The following CPT1A variants were observed in gnomAD, a reference collection of about 807,000 sequenced individuals.
CPT1A encodes the protein carnitine O-palmitoyltransferase 1, liver isoform.
A neutral mutation model predicts 100.8 loss-of-function variants in CPT1A; 64 were observed. The observed-to-expected ratio is 0.63, with a 90% CI of 0.52 to 0.78. The LOEUF (loss-of-function observed/expected upper bound fraction) is 0.78. Ranked by LOEUF, CPT1A falls within the 30% of genes least tolerant of loss-of-function variation. The pLI, the probability that CPT1A is intolerant of heterozygous loss-of-function variation, is 0.00. For synonymous variants in CPT1A, 363 were observed against 396.0 expected (o/e 0.92, Z 0.99); for missense variants, 802 against 1,034.1 (o/e 0.78, Z 3.08).
At chr11:68,809,723 G>T (rs557097399) in intron 3 of CPT1A, among the ~76,000 whole-genome samples, 2 of 152,164 alleles carry the variant, frequency 1.3e-5, no homozygotes, top group South Asian at 4.1e-4. Context: ...CCCTTAACCC[G>T]GCCTTTCTAA....
At chr11:68,782,031 C>T in intron 10 of CPT1A, 72 bp from the exon 11 acceptor site, 1 of 1,374,260 alleles carries the variant, frequency 7.3e-7, no homozygotes, top group Non-Finnish European at 1.0e-6. Context: ...TGAAATGACA[C>T]AATCAAACCT....
At position 68,773,351 on chromosome 11, in the gene CPT1A, C is replaced by T. The variant is rs764692013; in HGVS notation, c.1654G>A (p.Val552Ile). 11 of 1,614,008 alleles carry T rather than the reference C, an allele frequency of 6.8e-6. No homozygotes were observed. In the Admixed American group the frequency reaches 8.3e-5, roughly 12 times the overall value. ...TTGATGATTCCTTTACCAAAGGCTA[C>T]GAATGGGAAGGAATGGAAATCCACG... ...NDVDFHSFPF[V>I]AFGKGIIKKC... Residue 552 changes from valine (V) to isoleucine (I), a missense_variant, in exon 14 of 19, where the codon GTA (valine) becomes ATA (isoleucine). Val to Ile is a conservative substitution (Grantham distance 29). This residue lies in a region of CPT1A where 627 missense variants were observed against 799.3 expected (regional missense o/e 0.78). Coordinates refer to ENST00000265641, the MANE Select transcript of CPT1A (RefSeq NM_001876.4).
chr11:68,817,729 T>TG (rs554395813), intron 1 of CPT1A, among the ~76,000 whole-genome samples: 1,926 of 12,768 alleles, frequency 0.15, 38 homozygotes, highest in Non-Finnish European at 0.19. Context: ...GCAGGGTGGC[T>TG]GGGGGTCAAG....
chr11:68,761,793 T>A, intron 15 of CPT1A, 106 bp from the exon 16 acceptor site: 1 of 1,358,424 alleles, frequency 7.4e-7, no homozygotes, highest in Non-Finnish European at 1.0e-6. Context: ...TTATTTTTAG[T>A]AGAGACGGGG....
At chr11:68,774,240 CA>C (rs1855081117) in intron 13 of CPT1A, among the ~76,000 whole-genome samples, 1 of 152,128 alleles carries the variant, frequency 6.6e-6, no homozygotes, top group South Asian at 2.1e-4. Context: ...GCCCCACAGT[CA>C]AATTCGTTCT....
At chr11:68,795,035 G>A in intron 7 of CPT1A, 124 bp from the exon 8 acceptor site, 1 of 755,334 alleles carries the variant, frequency 1.3e-6, no homozygotes, top group Non-Finnish European at 2.4e-6. Context: ...TACATATTCG[G>A]TTACATCTGC....
chr11:68,773,764 C>A, intron 13 of CPT1A: 1 of 333,268 alleles, frequency 3.0e-6, no homozygotes, highest in Non-Finnish European at 5.8e-6. Flanking sequence ...ACAGCCGGTG[C>A]CAGGGAAAGG....
At chr11:68,831,142 C>T (rs1856865429) in intron 1 of CPT1A, among the ~76,000 whole-genome samples, 2 of 152,172 alleles carry the variant, frequency 1.3e-5, no homozygotes, top group African/African-American at 2.4e-5. Flanking sequence ...TCCCTTTCTC[C>T]ATAATCAATT....
At chr11:68,815,122 A>ATG (rs1028569380) in intron 2 of CPT1A, among the ~76,000 whole-genome samples, 4 of 152,144 alleles carry the variant, frequency 2.6e-5, no homozygotes, top group African/African-American at 7.2e-5. Context: ...GCTTTAACGC[A>ATG]TGCCAAGTCC....
At chr11:68,814,093 CG>C (rs893016440) in intron 2 of CPT1A, among the ~76,000 whole-genome samples, 151 of 150,708 alleles carry the variant, frequency 1.0e-3, no homozygotes, top group Non-Finnish European at 2.0e-3. Flanking sequence ...GGGGGGTCAG[CG>C]GGGGGGGATT....
chr11:68,762,521 G>A (rs1854656537), intron 15 of CPT1A, 106 bp downstream of exon 15: 1 of 1,420,630 alleles, frequency 7.0e-7, no homozygotes, highest in Non-Finnish European at 9.8e-7. Flanking sequence ...CCCTAAAGAA[G>A]AAGGTACAGG....
intron 4 of CPT1A, among the ~76,000 whole-genome samples, chr11:68,804,579 C>A (rs1215937026): frequency 1.3e-5 from 2 of 152,114 alleles, no homozygotes; most frequent in Admixed American, 6.6e-5. Flanking sequence ...CATAGTGAGA[C>A]CCTATGTCAA....
rs80356782 is a variant in CPT1A, at chr11:68,804,077, G to A, written c.478C>T (p.Arg160Ter). Residue 160 changes from arginine (R) to a stop codon, truncating the protein, a stop_gained, in exon 5 of 19, where the codon CGA becomes TGA. Transcript: ENST00000265641. LOFTEE classifies it high-confidence loss of function. ...TGGAAGCTGTACAACATGGGTTTTC[G>A]GCCTGAAAAGATCTTGACCATACCC... is the stretch of plus-strand genomic sequence containing the variant. ...WMGMVKIFSGRKPMLYSFQTS... is the reference protein window; with the variant it reads ...WMGMVKIFSG The A allele has an allele frequency of 1.9e-6, 3 of 1,613,924 alleles. No individual in the cohort carries two copies. Among genetic ancestry groups the A allele is most frequent in the East Asian group, 2.2e-5 (1 of 44,882 alleles).
At chr11:68,826,668 C>G (rs11228369) in intron 1 of CPT1A, among the ~76,000 whole-genome samples, 67,244 of 149,940 alleles carry the variant, frequency 0.45, 17,648 homozygotes, top group Admixed American at 0.61. Flanking sequence ...AACCCGGGAG[C>G]CGGAGCTTGC....
intron 12 of CPT1A, among the ~76,000 whole-genome samples, chr11:68,778,855 G>A (rs567391915): frequency 9.3e-5 from 14 of 151,124 alleles, no homozygotes; most frequent in Admixed American, 5.3e-4. Flanking sequence ...GCGTGATCTC[G>A]GCTCACTGCA....
At chr11:68,819,705 G>C (rs975028071) in intron 1 of CPT1A, among the ~76,000 whole-genome samples, 4 of 152,230 alleles carry the variant, frequency 2.6e-5, no homozygotes, top group African/African-American at 9.6e-5. Context: ...CTCGCAGAGC[G>C]ATCTGAGTTT....
intron 12 of CPT1A, among the ~76,000 whole-genome samples, chr11:68,779,677 T>C (rs1003522811): frequency 7.9e-5 from 12 of 151,250 alleles, no homozygotes; most frequent in African/African-American, 2.9e-4. Flanking sequence ...ACACCTGTAG[T>C]CCCAGCTACT....
chr11:68,807,354 C>T, intron 4 of CPT1A, 113 bp downstream of exon 4: 1 of 1,128,644 alleles, frequency 8.9e-7, no homozygotes, highest in Non-Finnish European at 1.3e-6. Flanking sequence ...GCCCAAGTCA[C>T]CAACCAAGCA....
At position 68,761,617 on chromosome 11, in the gene CPT1A, G is replaced by A. The variant is rs1369067061; in HGVS notation, c.1946C>T (p.Thr649Ile). The A allele has an allele frequency of 9.9e-6, 16 of 1,614,104 alleles. No homozygotes were observed. The highest frequency in any genetic ancestry group is 1.2e-5 in the Non-Finnish European group (14 of 1,180,024). ...GAGGTGACGATCGATCCCAGAGCCG[G>A]TCATGGCGAGGCGATACATATGCTG... ...KHQHMYRLAM[T>I]GSGIDRHLFC... Residue 649 changes from threonine (T) to isoleucine (I), a missense_variant, in exon 16 of 19, where the codon ACC (threonine) becomes ATC (isoleucine). Physicochemically the swap from Thr to Ile is moderately conservative, Grantham distance 89 (BLOSUM62 -1). Transcript: ENST00000265641.
Sources: allele counts gnomAD v4.1 joint callset (sites outside exome capture counted in the v4.1 genomes callset), GRCh38; gene constraint gnomAD v4.1.1; regional missense constraint gnomAD v4.1.1; transcripts MANE v1.5; gene names NCBI Gene and HGNC (gene_info 2026-07-23, HGNC 2026-07-21).